The following PCDHGA1 variants were observed in gnomAD, a reference collection of about 807,000 sequenced individuals.
PCDHGA1 encodes the protein protocadherin gamma-A1.
PCDHGA1 carries 32 observed loss-of-function variants against 58.0 expected under a neutral mutation model. That is an observed-to-expected ratio of 0.55 (90% CI 0.42 to 0.74). PCDHGA1 has a LOEUF of 0.74. Among genes scored for constraint, PCDHGA1 ranks in the 30% least tolerant of loss-of-function variants. The pLI is 0.00. For synonymous variants in PCDHGA1, 498 were observed against 501.1 expected (o/e 0.99, Z 0.08); for missense variants, 1,205 against 1,182.3 (o/e 1.02, Z -0.28).
chr5:141,360,127 AG>A, intron 1 of PCDHGA1: 4 of 1,586,256 alleles, frequency 2.5e-6, no homozygotes, highest in Non-Finnish European at 2.6e-6. Context: ...GAGCAAAGGG[AG>A]CCAGAAGATG....
chr5:141,408,287 C>G (rs2095075582), intron 1 of PCDHGA1: 1 of 1,613,354 alleles, frequency 6.2e-7, no homozygotes, highest in African/African-American at 1.3e-5. Flanking sequence ...CTACCCCACC[C>G]TGAGTGAGCC....
At chr5:141,392,608 AT>A in intron 1 of PCDHGA1, 1 of 519,670 alleles carries the variant, frequency 1.9e-6, no homozygotes, top group Non-Finnish European at 3.3e-6. Context: ...TGGAAGACAA[AT>A]GCAACCGAAA....
rs1224943883 is a variant in PCDHGA1 at position 141,493,516 on chromosome 5, G to A, written c.2422-1291G>A. Among the ~76,000 whole-genome samples, 1 of 152,122 alleles carries A rather than the reference G, an allele frequency of 6.6e-6. No individual in the cohort carries two copies. The highest frequency in any genetic ancestry group is 1.5e-5 in the Non-Finnish European group (1 of 68,036). On this transcript the variant is annotated intron_variant, in intron 1 of 3. Coordinates refer to ENST00000517417, the MANE Select transcript of PCDHGA1 (RefSeq NM_018912.3). The surrounding 1 kb of genome is among the most constrained non-coding windows in gnomAD (Gnocchi z 4.3). ...GGCTCCTCATTTCTGAGCAGTCCCC[G>A]CAGCGCAAACTTGGCCAGTTATCCT...
Position 141,432,809 on chromosome 5 carries a change from T to A in PCDHGA1, c.2422-61998T>A. ...CGGCAGCCTCGAGTCTCCAGCTAAC[T>A]CTGAAACCTCAGACCTCACTCTGTA... is the stretch of plus-strand genomic sequence containing the variant. On this transcript the variant is annotated intron_variant, in intron 1 of 3. Coordinates refer to ENST00000517417, the MANE Select transcript of PCDHGA1 (RefSeq NM_018912.3). This position sits in a 1 kb window ranked among gnomAD's most constrained non-coding sequence, Gnocchi z 6.0. The A allele has an allele frequency of 6.2e-7, 1 of 1,613,398 alleles. No homozygotes were observed. Among genetic ancestry groups the A allele is most frequent in the Non-Finnish European group, 8.5e-7 (1 of 1,179,980 alleles).
intron 1 of PCDHGA1, chr5:141,341,096 A>G (rs773392385): frequency 6.2e-7 from 1 of 1,614,194 alleles, no homozygotes; most frequent in South Asian, 1.1e-5. Flanking sequence ...GGCCTTCGTC[A>G]TCGTGTTGCT....
In PCDHGA1 at chr5:141,404,306, T is replaced by C. The variant is rs200297928; in HGVS notation, c.2421+71201T>C. 1,450 of 1,613,824 alleles carry C rather than the reference T, an allele frequency of 9.0e-4. 2 individuals carry two copies. Among genetic ancestry groups the C allele is most frequent in the Admixed American group, 2.4e-3 (143 of 60,004 alleles). ...TGACATCAATGATAATCCACCTGCT[T>C]TCTCTCAAGCCTCCTACTCAGTCTA... On this transcript the variant is annotated intron_variant, in intron 1 of 3. Coordinates refer to ENST00000517417, the MANE Select transcript of PCDHGA1 (RefSeq NM_018912.3).
intron 1 of PCDHGA1, chr5:141,403,174 T>C: frequency 1.9e-6 from 3 of 1,614,000 alleles, no homozygotes; most frequent in Non-Finnish European, 2.5e-6. Context: ...GGACGCAGCT[T>C]TTCTCTCTGA....
At chr5:141,481,811 G>T (rs1050821120) in intron 1 of PCDHGA1, among the ~76,000 whole-genome samples, 3 of 151,892 alleles carry the variant, frequency 2.0e-5, no homozygotes, top group Admixed American at 1.3e-4. Flanking sequence ...AATTCACCAG[G>T]CGTGGTGGCT....
chr5:141,428,227 A>T (rs2154552643), intron 1 of PCDHGA1: 1 of 1,100,784 alleles, frequency 9.1e-7, no homozygotes, highest in Admixed American at 1.9e-5. Context: ...CTTCGCAGAC[A>T]GCCTGCAGGA....
At chr5:141,420,275 G>T in intron 1 of PCDHGA1, 1 of 1,524,576 alleles carries the variant, frequency 6.6e-7, no homozygotes, top group Non-Finnish European at 8.9e-7. Flanking sequence ...TCTTAAACAG[G>T]TAAGTATTTA....
chr5:141,495,041 G>A, intron 2 of PCDHGA1, 176 bp downstream of exon 2: 1 of 942,350 alleles, frequency 1.1e-6, no homozygotes, highest in Non-Finnish European at 1.3e-6. Flanking sequence ...AGGAAGAGGC[G>A]ACTGCCCTGA....
chr5:141,376,710 C>A lies in PCDHGA1; in HGVS notation c.2421+43605C>A, dbSNP rs967144900. 118 of 619,882 alleles carry A rather than the reference C, an allele frequency of 1.9e-4. No individual in the cohort carries two copies. The East Asian group carries it at 3.7e-3, about 19-fold the overall frequency. 38.4% of individuals were successfully genotyped at this position (619,882 alleles called of 1,614,324 possible). Reference sequence around the variant, plus strand: ...TTTTTTTTTTTTTGAGACGGAGTCTCGCTCTGTCGCCCAGGCCGGACTGCG... The same window carrying A: ...TTTTTTTTTTTTTGAGACGGAGTCTAGCTCTGTCGCCCAGGCCGGACTGCG... On this transcript the variant is annotated intron_variant, in intron 1 of 3. Transcript: ENST00000517417.
intron 1 of PCDHGA1, chr5:141,339,292 C>G: frequency 6.2e-7 from 1 of 1,614,266 alleles, no homozygotes; most frequent in Non-Finnish European, 8.5e-7. Flanking sequence ...TGAATTTTAA[C>G]ATTCTGCTGG....
intron 1 of PCDHGA1, chr5:141,422,139 A>C: frequency 1.9e-6 from 3 of 1,588,154 alleles, no homozygotes; most frequent in Non-Finnish European, 2.6e-6. Context: ...AAGTTCAAGT[A>C]CGGGGGTCTC....
intron 1 of PCDHGA1, among the ~76,000 whole-genome samples, chr5:141,455,204 T>G (rs1173402170): frequency 6.6e-6 from 1 of 152,052 alleles, no homozygotes; most frequent in Admixed American, 6.6e-5. Context: ...TTACAACCAA[T>G]AAGAGTTTTT....
chr5:141,410,849 C>CTTTTTTTTTTTT lies in PCDHGA1; in HGVS notation c.2421+77755_2421+77766dup. The CTTTTTTTTTTTT allele has an allele frequency of 2.7e-3, 375 of 138,154 alleles. 24 individuals are homozygous for CTTTTTTTTTTTT. The highest frequency in any genetic ancestry group is 6.9e-3 in the African/African-American group (114 of 16,622). 8.6% of individuals were successfully genotyped at this position (138,154 alleles called of 1,614,324 possible). ...CAGACTGAAGATATTTTGTCTTTGTCTTTTTTTTTTTTTTTTTTTTTTGAG... is the reference window on the plus strand; with the variant it reads ...CAGACTGAAGATATTTTGTCTTTGTCTTTTTTTTTTTTTTTTTTTTTTTTTTTTTTTTTTGAG... On this transcript the variant is annotated intron_variant, in intron 1 of 3. Coordinates refer to ENST00000517417, the MANE Select transcript of PCDHGA1 (RefSeq NM_018912.3).
rs115340023 is a variant in PCDHGA1 at position 141,387,818 on chromosome 5, G to T, written c.2421+54713G>T. 2,906 of 1,551,554 alleles carry T rather than the reference G, an allele frequency of 1.9e-3. 45 individuals carry two copies. The African/African-American group carries it at 0.028, about 15-fold the overall frequency. ...AGTCCGTTCGGAGATCCAAAAATCT[G>T]CAATACAGAGGTTATTTGTAACCCG... On this transcript the variant is annotated intron_variant, in intron 1 of 3. Transcript: ENST00000517417.
At chr5:141,438,159 T>TA (rs974013542) in intron 1 of PCDHGA1, among the ~76,000 whole-genome samples, 44 of 152,258 alleles carry the variant, frequency 2.9e-4, no homozygotes, top group African/African-American at 9.9e-4. Context: ...ATGGCAAAGC[T>TA]AATTGGAAAA....
chr5:141,382,081 G>A (rs933434638), intron 1 of PCDHGA1, among the ~76,000 whole-genome samples: 12 of 151,852 alleles, frequency 7.9e-5, no homozygotes, highest in Non-Finnish European at 1.6e-4. Context: ...CGCCCGCCTC[G>A]GCCTCACAAA....
Sources: gnomAD v4.1 joint callset for allele counts (sites outside exome capture counted in the v4.1 genomes callset) on GRCh38, gnomAD v4.1.1 for gene constraint, Gnocchi (gnomAD v3.1) non-coding constraint, MANE v1.5 for transcripts, NCBI Gene and HGNC (gene_info 2026-07-23, HGNC 2026-07-21) for gene names.